Variants in LRRIQ1 observed in about 807,000 individuals in gnomAD.
LRRIQ1 encodes leucine rich repeats and IQ motif containing 1.
A neutral mutation model predicts 211.9 loss-of-function variants in LRRIQ1; 210 were observed. The ratio of observed to expected loss-of-function variants is 0.99; its 90% CI spans 0.89 to 1.11. The LOEUF (loss-of-function observed/expected upper bound fraction) is 1.11, where lower values mean the gene tolerates loss of function less well. LRRIQ1 is among the 50% of genes most tolerant of loss of function. The pLI is 0.00. For synonymous variants in LRRIQ1, 699 were observed against 650.1 expected (o/e 1.08, Z -1.14); for missense variants, 2,136 against 1,939.5 (o/e 1.10, Z -1.90).
chr12:85,063,220 AT>A lies in LRRIQ1; in HGVS notation c.2392-2030del, dbSNP rs1032280065. 7.1e-3 allele frequency among the ~76,000 whole-genome samples: 1,016 copies of A among 143,138 alleles called. 10 individuals are homozygous for A. The highest frequency in any genetic ancestry group is 0.017 in the African/African-American group (657 of 39,386). 93.9% of individuals were successfully genotyped at this position (143,138 alleles called of 152,430 possible). Reference sequence around the variant, plus strand: ...TAGTTTAATTAGGCCCCACTTGTCAATTTTTTTTTTTTGTTGCAATTGCTTT... The same window carrying A: ...TAGTTTAATTAGGCCCCACTTGTCAATTTTTTTTTTTGTTGCAATTGCTTT... On this transcript the variant is annotated intron_variant, in intron 8 of 26. Coordinates refer to ENST00000393217, the MANE Select transcript of LRRIQ1 (RefSeq NM_001079910.2).
intron 26 of LRRIQ1, among the ~76,000 whole-genome samples, chr12:85,234,256 A>G (rs1242959494): frequency 6.6e-6 from 1 of 152,096 alleles, no homozygotes; most frequent in East Asian, 1.9e-4. Context: ...AAAAGTTATA[A>G]TATTTAATTT....
chr12:85,270,951 G>A, the LRRIQ1 span, among the ~76,000 whole-genome samples: 261 of 152,212 alleles, frequency 1.7e-3, no homozygotes, highest in African/African-American at 6.1e-3. Context: ...TATGATACAA[G>A]TGTGTAACCA....
chr12:85,039,547 AAAAG>A (rs772222926), intron 2 of LRRIQ1, among the ~76,000 whole-genome samples: 5 of 151,658 alleles, frequency 3.3e-5, no homozygotes, highest in Non-Finnish European at 7.4e-5. Context: ...CTGTAGTACT[AAAAG>A]AAAGGTAATA....
At chr12:85,185,963 TA>T (rs1892209321) in intron 24 of LRRIQ1, among the ~76,000 whole-genome samples, 1 of 152,040 alleles carries the variant, frequency 6.6e-6, no homozygotes, top group Non-Finnish European at 1.5e-5. Context: ...TGTTTAAGAC[TA>T]TTTTTATTGT....
In LRRIQ1 at chr12:85,047,265, T is replaced by C; in HGVS notation, c.473T>C (p.Phe158Ser). 6.3e-7 allele frequency: 1 copy of C among 1,593,508 alleles called. No individual in the cohort carries two copies. Among genetic ancestry groups the C allele is most frequent in the Non-Finnish European group, 8.5e-7 (1 of 1,174,584 alleles). ...HVLPDDADIN[F>S]GYCEVEEKCR... Reference sequence around the variant, plus strand: ...AGTGCAGATGATGCTGATATAAATTTTGGATACTGTGAAGTGGAAGAAAAA... The same window carrying C: ...AGTGCAGATGATGCTGATATAAATTCTGGATACTGTGAAGTGGAAGAAAAA... The change falls in exon 6 of 27, where the codon TTT (phenylalanine) becomes TCT (serine). Residue 158 changes from phenylalanine (F) to serine (S), a missense_variant. Coordinates refer to ENST00000393217, the MANE Select transcript of LRRIQ1 (RefSeq NM_001079910.2).
At position 85,137,891 on chromosome 12, in the gene LRRIQ1, A is replaced by C. The variant is rs1889245364; in HGVS notation, c.4251A>C (p.Thr1417=). The C allele has an allele frequency of 1.3e-6, 2 of 1,590,764 alleles. No individual in the cohort carries two copies. Among genetic ancestry groups the C allele is most frequent in the African/African-American group, 2.7e-5 (2 of 73,726 alleles). The part of the protein sequence containing the change: ...KGFILRKKLT[T]ALEAIKNEES... Reference sequence around the variant, plus strand: ...TTATTTTGCGAAAGAAACTGACAACAGCTCTAGAGGCTATTAAGAATGAAG... The same window carrying C: ...TTATTTTGCGAAAGAAACTGACAACCGCTCTAGAGGCTATTAAGAATGAAG... The change falls in exon 19 of 27, where the codon ACA becomes ACC. Residue 1417 remains threonine, a synonymous_variant. Transcript: ENST00000393217.
In LRRIQ1 at chr12:85,175,908, G is replaced by T. The variant is rs1298832221; in HGVS notation, c.4822+15194G>T. On this transcript the variant is annotated intron_variant, in intron 24 of 26. Coordinates refer to ENST00000393217, the MANE Select transcript of LRRIQ1 (RefSeq NM_001079910.2). ...GTACCATGCTTTTTTGGTTACTGTA[G>T]CCTTGTAATATAGTTTGAAGTCAGG... 7.2e-5 allele frequency among the ~76,000 whole-genome samples: 11 copies of T among 152,236 alleles called. No individual in the cohort carries two copies. The East Asian group carries it at 1.9e-3, about 27-fold the overall frequency.
intron 14 of LRRIQ1, among the ~76,000 whole-genome samples, 176 bp from the exon 15 acceptor site, chr12:85,106,346 T>C (rs1754503791): frequency 6.6e-6 from 1 of 152,204 alleles, no homozygotes; most frequent in Non-Finnish European, 1.5e-5. Flanking sequence ...ACATATATTC[T>C]GACAATAGTC....
chr12:85,197,207 G>A (rs1394611193), intron 24 of LRRIQ1, among the ~76,000 whole-genome samples: 3 of 152,060 alleles, frequency 2.0e-5, no homozygotes, highest in South Asian at 2.1e-4. Context: ...TGGAGAAATA[G>A]GAACACTTTT....
In LRRIQ1 at chr12:85,127,970, A is replaced by G. The variant is rs749258379; in HGVS notation, c.4146A>G (p.Lys1382=). ...SSIKNQTILK[K]GKRENIVNIR... ...TCAAGAATCAGACTATTTTAAAGAA[A>G]GGAAAAAGAGAAAATATTGTGAATA... The change falls in exon 18 of 27, where the codon AAA becomes AAG. Residue 1382 remains lysine, a synonymous_variant. Transcript: ENST00000393217. The G allele has an allele frequency of 1.2e-6, 2 of 1,613,876 alleles. No individual in the cohort carries two copies. The highest frequency in any genetic ancestry group is 1.7e-6 in the Non-Finnish European group (2 of 1,179,744).
intron 19 of LRRIQ1, among the ~76,000 whole-genome samples, chr12:85,141,896 G>A (rs924454924): frequency 2.0e-5 from 3 of 148,330 alleles, no homozygotes; most frequent in Non-Finnish European, 4.5e-5. Flanking sequence ...TTATTCACTA[G>A]TTAATTGAGT....
At chr12:85,244,486 G>C (rs771376702) in intron 26 of LRRIQ1, among the ~76,000 whole-genome samples, 1 of 151,520 alleles carries the variant, frequency 6.6e-6, no homozygotes, top group Non-Finnish European at 1.5e-5. Flanking sequence ...ATAATGTTAA[G>C]CTCTTTAAAG....
At chr12:85,232,379 A>G (rs1894983738) in intron 25 of LRRIQ1, among the ~76,000 whole-genome samples, 1 of 152,130 alleles carries the variant, frequency 6.6e-6, no homozygotes, top group Non-Finnish European at 1.5e-5. Flanking sequence ...TACAAATAAA[A>G]TGTTGAAGAA....
At chr12:85,135,491 T>G (rs966915345) in intron 18 of LRRIQ1, among the ~76,000 whole-genome samples, 9 of 150,390 alleles carry the variant, frequency 6.0e-5, no homozygotes, top group South Asian at 2.1e-4. Context: ...TATTCTTTAT[T>G]AACTAAAGTA....
At chr12:85,162,837 G>C (rs983289570) in intron 24 of LRRIQ1, 6 of 454,440 alleles carry the variant, frequency 1.3e-5, no homozygotes, top group African/African-American at 8.0e-5. Flanking sequence ...CACTGAATGA[G>C]TTTTATGTAT....
At chr12:85,184,109 T>C (rs1043271986) in intron 24 of LRRIQ1, among the ~76,000 whole-genome samples, 1 of 152,024 alleles carries the variant, frequency 6.6e-6, no homozygotes, top group African/African-American at 2.4e-5. Flanking sequence ...GAAACTCAGA[T>C]AATTTTAGAA....
chr12:85,087,927 G>T (rs923837878), intron 11 of LRRIQ1, among the ~76,000 whole-genome samples: 15 of 152,052 alleles, frequency 9.9e-5, no homozygotes, highest in African/African-American at 1.4e-4. Flanking sequence ...TTTCTTTTGC[G>T]ATGCAGAAGC....
At chr12:85,086,954 A>ATTG (rs1197545121) in intron 11 of LRRIQ1, among the ~76,000 whole-genome samples, 1 of 148,974 alleles carries the variant, frequency 6.7e-6, no homozygotes, top group Admixed American at 6.6e-5. Context: ...TATTATTATT[A>ATTG]TTATTATACT....
chr12:85,161,811 C>T (rs576093959), intron 24 of LRRIQ1, among the ~76,000 whole-genome samples: 29 of 152,194 alleles, frequency 1.9e-4, no homozygotes, highest in African/African-American at 6.5e-4. Flanking sequence ...GAGGCCGAGG[C>T]AGACAGATCA....
Sources: gnomAD v4.1 joint callset for allele counts (sites outside exome capture counted in the v4.1 genomes callset) on GRCh38, gnomAD v4.1.1 for gene constraint, MANE v1.5 for transcripts, NCBI Gene and HGNC (gene_info 2026-07-23, HGNC 2026-07-21) for gene names.